DHRS9: variants seen among roughly 807,000 people sequenced by gnomAD.
DHRS9 encodes dehydrogenase/reductase 9.
In DHRS9, 18 loss-of-function variants were observed where a neutral mutation model predicts 26.6. The ratio of observed to expected loss-of-function variants is 0.68; its 90% confidence interval spans 0.47 to 1.00. The LOEUF is 1.00. Among genes scored for constraint, DHRS9 ranks in the 50% least tolerant of loss-of-function variants. The pLI, the probability that DHRS9 is intolerant of heterozygous loss-of-function variation, is 0.00. For missense variants in DHRS9, 425 were observed against 378.7 expected, an observed-to-expected ratio of 1.12 and a Z score of -1.01; for synonymous variants, 134 against 141.1, an observed-to-expected ratio of 0.95 and a Z score of 0.36.
intron 3 of DHRS9, among the ~76,000 whole-genome samples, chr2:169,089,220 G>A (rs1446511012): frequency 6.6e-6 from 1 of 152,202 alleles, no homozygotes; most frequent in Non-Finnish European, 1.5e-5. Context: ...AGGACTGAAG[G>A]GACAAGGAGA....
At chr2:169,067,211 C>T, upstream of DHRS9, 1 of 1,535,620 alleles carries the variant, frequency 6.5e-7, no homozygotes. Context: ...GTCAGCCTTA[C>T]AAGAGTGACA....
At chr2:169,078,401 CT>C (rs1412852516) in intron 1 of DHRS9, among the ~76,000 whole-genome samples, 1 of 152,214 alleles carries the variant, frequency 6.6e-6, no homozygotes, top group East Asian at 1.9e-4. Flanking sequence ...GGAGTTTAGA[CT>C]GCAATGAAAG....
chr2:169,095,108 A>G (rs913765720), intron 4 of DHRS9, among the ~76,000 whole-genome samples: 2 of 152,186 alleles, frequency 1.3e-5, no homozygotes, highest in African/African-American at 4.8e-5. Flanking sequence ...GAAATCAAAC[A>G]TACAACTTTC....
chr2:169,085,033 A>G (rs1327269495), intron 3 of DHRS9, among the ~76,000 whole-genome samples: 2 of 151,970 alleles, frequency 1.3e-5, no homozygotes, highest in African/African-American at 4.8e-5. Context: ...TTGTATATGC[A>G]CAAGAGATTC....
upstream of DHRS9, among the ~76,000 whole-genome samples, chr2:169,067,431 C>T (rs1301058938): frequency 6.6e-6 from 1 of 152,144 alleles, no homozygotes; most frequent in African/African-American, 2.4e-5. Flanking sequence ...GGAGAAGATA[C>T]TCTTGGGTAG....
rs1461271557 is a variant in DHRS9 at position 169,091,946 on chromosome 2, T to G, written c.729T>G (p.Ile243Met). 2 of 1,613,190 alleles carry G rather than the reference T, an allele frequency of 1.2e-6. No homozygotes were observed. The highest frequency in any genetic ancestry group is 1.7e-5 in the Admixed American group (1 of 59,716). The change falls in exon 4 of 5, where the codon ATT becomes ATG. Residue 243 changes from isoleucine (I) to methionine (M), a missense_variant. By Grantham distance (10) the Ile-to-Met change is conservative. Transcript: ENST00000674881. The part of the protein sequence containing the change: ...DIKQQYGEGY[I>M]EKSLDKLKGN... ...AACAACAATATGGAGAAGGTTACATTGAAAAAAGTGAGTTTCCGGGCGGTG... is the reference window on the plus strand; with the variant it reads ...AACAACAATATGGAGAAGGTTACATGGAAAAAAGTGAGTTTCCGGGCGGTG...
chr2:169,083,540 C>A lies in DHRS9; in HGVS notation c.525C>A (p.Gly175=). 1 of 1,613,948 alleles carries A rather than the reference C, an allele frequency of 6.2e-7. No homozygotes were observed. Among genetic ancestry groups the A allele is most frequent in the South Asian group, 1.1e-5 (1 of 91,074 alleles). The change falls in exon 3 of 5, where the codon GGC becomes GGA. Residue 175 remains glycine (G), a synonymous_variant. Transcript: ENST00000674881. ...VGGRLAIVGG[G]YTPSKYAVEG... is the part of the protein sequence containing the mutation. Reference sequence around the variant, plus strand: ...GTCGCCTTGCAATCGTTGGAGGGGGCTATACTCCATCCAAATATGCAGTGG... The same window carrying A: ...GTCGCCTTGCAATCGTTGGAGGGGGATATACTCCATCCAAATATGCAGTGG...
chr2:169,070,542 T>A (rs1683768088), intron 1 of DHRS9: 5 of 985,162 alleles, frequency 5.1e-6, no homozygotes, highest in Non-Finnish European at 6.0e-6. Context: ...ATATATTAAC[T>A]GCTCTAAAAA....
At chr2:169,094,145 T>C (rs1224138367) in intron 4 of DHRS9, among the ~76,000 whole-genome samples, 2 of 152,222 alleles carry the variant, frequency 1.3e-5, no homozygotes, top group African/African-American at 2.4e-5. Context: ...TGAGGTGATA[T>C]CTCATTTTGG....
chr2:169,091,337 A>C (rs954814508), intron 3 of DHRS9, among the ~76,000 whole-genome samples: 6 of 152,198 alleles, frequency 3.9e-5, no homozygotes, highest in African/African-American at 1.4e-4. Context: ...TAGTCACATC[A>C]GGGATTATCG....
Position 169,077,376 on chromosome 2 carries a change from C to T in DHRS9, c.-59-4147C>T, listed in dbSNP as rs1277029846. Among the ~76,000 whole-genome samples, 6 of 152,008 alleles carry T rather than the reference C, an allele frequency of 3.9e-5. No individual in the cohort carries two copies. The South Asian group carries it at 1.2e-3, about 32-fold the overall frequency. On this transcript the variant is annotated intron_variant, in intron 1 of 4. Coordinates refer to ENST00000674881, the MANE Select transcript of DHRS9 (RefSeq NM_001376924.1). The stretch of plus-strand genomic sequence containing the variant: ...GAAAACTACTGTATTGAAATACATC[C>T]AAATATTTATAAGTTTATTTTATTA...
chr2:169,092,957 G>A (rs1684579640), intron 4 of DHRS9, among the ~76,000 whole-genome samples: 1 of 152,094 alleles, frequency 6.6e-6, no homozygotes, highest in African/African-American at 2.4e-5. Flanking sequence ...GCTAGATTTG[G>A]ACCCAGGCAG....
intron 1 of DHRS9, chr2:169,070,189 C>A: frequency 1.0e-6 from 1 of 985,362 alleles, no homozygotes; most frequent in Non-Finnish European, 1.2e-6. Flanking sequence ...TACATGAATA[C>A]ACACACATAT....
chr2:169,080,795 C>T (rs1230051656), intron 1 of DHRS9, among the ~76,000 whole-genome samples: 3 of 152,162 alleles, frequency 2.0e-5, no homozygotes, highest in African/African-American at 4.8e-5. Flanking sequence ...TCACAGAAGA[C>T]AGAATTTGGG....
intron 1 of DHRS9, among the ~76,000 whole-genome samples, chr2:169,079,883 AAGAG>A (rs1247432554): frequency 1.5e-4 from 12 of 80,784 alleles, no homozygotes; most frequent in Non-Finnish European, 2.2e-4. Context: ...GAAAGAAAGA[AAGAG>A]AGAGAGAGAG....
intron 1 of DHRS9, among the ~76,000 whole-genome samples, chr2:169,080,118 C>A (rs112498413): frequency 0.02 from 2,997 of 152,228 alleles, 91 homozygotes; most frequent in African/African-American, 0.065. Context: ...TGTCCAGGAA[C>A]AGCCATGATT....
At chr2:169,067,386 G>A, upstream of DHRS9, 1 of 1,409,840 alleles carries the variant, frequency 7.1e-7, no homozygotes, top group Non-Finnish European at 9.4e-7. Flanking sequence ...TCAGATCTGA[G>A]TTTCCTCCTT....
At chr2:169,081,192 A>T in intron 1 of DHRS9, 1 of 993,348 alleles carries the variant, frequency 1.0e-6, no homozygotes, top group Non-Finnish European at 1.2e-6. Flanking sequence ...CTGATAGACG[A>T]GTTCACTCCT....
At chr2:169,075,647 T>C (rs1574021537) in intron 1 of DHRS9, among the ~76,000 whole-genome samples, 1 of 152,224 alleles carries the variant, frequency 6.6e-6, no homozygotes, top group East Asian at 1.9e-4. Flanking sequence ...ATTTGGTTGT[T>C]GTATCTCGTT....
Sources: allele counts gnomAD v4.1 joint callset (sites outside exome capture counted in the v4.1 genomes callset), GRCh38; gene constraint gnomAD v4.1.1; transcripts MANE v1.5; gene names NCBI Gene and HGNC (gene_info 2026-07-23, HGNC 2026-07-21).